MTUS1: variants seen among roughly 807,000 people sequenced by gnomAD.
MTUS1 encodes the protein microtubule-associated tumor suppressor 1.
In MTUS1, 109 loss-of-function variants were observed where a neutral mutation model predicts 120.8. The observed-to-expected ratio is 0.90, with a 90% CI of 0.77 to 1.06. The LOEUF is 1.06. MTUS1 is among the 50% of genes least tolerant of loss of function. MTUS1 has a pLI of 0.00. For missense variants in MTUS1, 2,210 were observed against 1,486.3 expected (o/e 1.49, Z -8.01); for synonymous variants, 737 against 550.5 (o/e 1.34, Z -4.74).
At chr8:17,796,206 C>A (rs1317596609) in intron 1 of MTUS1, among the ~76,000 whole-genome samples, 3 of 1,512 alleles carry the variant, frequency 2.0e-3, no homozygotes, top group Non-Finnish European at 4.9e-3. Context: ...TTGGCTTGGC[C>A]TCCCAAAGTG....
intron 1 of MTUS1, among the ~76,000 whole-genome samples, chr8:17,760,214 T>G (rs929081732): frequency 2.0e-5 from 3 of 151,888 alleles, no homozygotes; most frequent in African/African-American, 7.3e-5. Context: ...CCTATCACTA[T>G]TAAAAGAAAA....
intron 1 of MTUS1, among the ~76,000 whole-genome samples, chr8:17,759,265 T>C (rs925422539): frequency 6.6e-6 from 1 of 151,326 alleles, no homozygotes; most frequent in African/African-American, 2.4e-5. Context: ...TTGTCTTTTT[T>C]TATTTTTCTT....
At chr8:17,794,118 A>C (rs574400632) in intron 1 of MTUS1, among the ~76,000 whole-genome samples, 1 of 152,180 alleles carries the variant, frequency 6.6e-6, no homozygotes, top group Non-Finnish European at 1.5e-5. Context: ...ACCTGAGGTC[A>C]GGAGTTCGAG....
chr8:17,706,839 A>G (rs1250930945), intron 6 of MTUS1, among the ~76,000 whole-genome samples: 2 of 152,238 alleles, frequency 1.3e-5, no homozygotes, highest in Non-Finnish European at 2.9e-5. Flanking sequence ...CTATATGTTA[A>G]ATGACAAAGC....
intron 3 of MTUS1, among the ~76,000 whole-genome samples, chr8:17,728,412 A>G (rs185632158): frequency 5.3e-5 from 8 of 152,296 alleles, no homozygotes; most frequent in African/African-American, 1.9e-4. Flanking sequence ...GCCAAAACAG[A>G]TCATCTTAAT....
chr8:17,723,609 C>T, intron 4 of MTUS1, 63 bp downstream of exon 4: 1 of 1,497,324 alleles, frequency 6.7e-7, no homozygotes, highest in African/African-American at 1.4e-5. Flanking sequence ...ATTTGCAGAG[C>T]ATTAGTTTTT....
At position 17,644,539 on chromosome 8, in the gene MTUS1, AGG is replaced by A. The variant is rs1805432688; in HGVS notation, c.*1385_*1386del. Reference sequence around the variant, plus strand: ...GGAAAGAAACTGAAATGCAACCTGGAGGAGAGTTGGACAAGCCACATTTTCCA... The same window carrying A: ...GGAAAGAAACTGAAATGCAACCTGGAAGAGTTGGACAAGCCACATTTTCCA... On this transcript the variant is annotated 3_prime_UTR_variant, in exon 15 of 15. Coordinates refer to ENST00000693296, the MANE Select transcript of MTUS1 (RefSeq NM_001363059.2). The A allele has an allele frequency of 6.6e-6, 1 of 152,256 alleles. No homozygotes were observed. Among genetic ancestry groups the A allele is most frequent in the South Asian group, 2.1e-4 (1 of 4,832 alleles). 9.4% of individuals were successfully genotyped at this position (152,256 alleles called of 1,614,324 possible). A position where few individuals can be genotyped will look rare whatever the true frequency, so the allele number is the denominator to read the frequency against.
intron 6 of MTUS1, among the ~76,000 whole-genome samples, chr8:17,703,744 G>C (rs189819037): frequency 6.6e-6 from 1 of 151,946 alleles, no homozygotes; most frequent in Non-Finnish European, 1.5e-5. Flanking sequence ...AGGTCAGACC[G>C]GTTCTCTGCT....
At chr8:17,801,307 G>C (rs1039691533), upstream of MTUS1, 1 of 151,876 alleles carries the variant, frequency 6.6e-6, no homozygotes, top group Non-Finnish European at 1.5e-5. Flanking sequence ...GGGAGTTCGG[G>C]AAACTTGTAA....
intron 1 of MTUS1, among the ~76,000 whole-genome samples, chr8:17,769,307 CAA>C (rs2049827386): frequency 6.8e-6 from 1 of 145,998 alleles, no homozygotes; most frequent in Non-Finnish European, 1.5e-5. Context: ...TACACATTCA[CAA>C]ACTCTTAAAA....
chr8:17,646,855 A>T, intron 14 of MTUS1, 127 bp downstream of exon 14: 1 of 672,960 alleles, frequency 1.5e-6, no homozygotes, highest in Non-Finnish European at 2.6e-6. Context: ...CAGAGAAATC[A>T]ATGCCCTTTT....
rs1182987767 is a variant in MTUS1, at chr8:17,755,594, A to G, written c.214T>C (p.Leu72=). ...AATACTTCAACACCCTGAAGGCTTAAAGAAATATTTTCACCAGTAACTACA... is the reference window on the plus strand; with the variant it reads ...AATACTTCAACACCCTGAAGGCTTAGAGAAATATTTTCACCAGTAACTACA... ...PAVVTGENIS[L]SLQGVEVFGH... Residue 72 remains leucine, a synonymous_variant, in exon 2 of 15, where the codon TTA becomes CTA. Coordinates refer to ENST00000693296, the MANE Select transcript of MTUS1 (RefSeq NM_001363059.2). 1 of 1,614,164 alleles carries G rather than the reference A, an allele frequency of 6.2e-7. No homozygotes were observed. Among genetic ancestry groups the G allele is most frequent in the South Asian group, 1.1e-5 (1 of 91,084 alleles).
upstream of MTUS1, chr8:17,801,388 T>TTC (rs2052666641): frequency 6.6e-6 from 1 of 151,596 alleles, no homozygotes; most frequent in African/African-American, 2.4e-5. Context: ...AGCGGCTCGC[T>TTC]GCGGGAGACC....
At chr8:17,760,282 A>T (rs895062369) in intron 1 of MTUS1, among the ~76,000 whole-genome samples, 1 of 151,916 alleles carries the variant, frequency 6.6e-6, no homozygotes, top group African/African-American at 2.4e-5. Flanking sequence ...AAACCCACAA[A>T]CATGTGTTCA....
chr8:17,748,393 C>T, intron 2 of MTUS1, among the ~76,000 whole-genome samples: 1 of 152,154 alleles, frequency 6.6e-6, no homozygotes, highest in East Asian at 1.9e-4. Flanking sequence ...CCATGTGACC[C>T]AATTCTTCTT....
intron 14 of MTUS1, 53 bp downstream of exon 14, chr8:17,646,928 TG>T: frequency 2.3e-6 from 3 of 1,329,678 alleles, no homozygotes; most frequent in Non-Finnish European, 3.3e-6. Flanking sequence ...GAAAGTACAC[TG>T]GATGTCCAAG....
chr8:17,647,079 C>T lies in MTUS1; in HGVS notation c.3502G>A (p.Val1168Met), dbSNP rs955047731. ...DIKLMKMEKL[V>M]DNNTALVDKL... ...TCAACCAATGCTGTGTTGTTGTCCA[C>T]CTTGGCATAAACAAGAATTCCAACA... Residue 1168 changes from valine to methionine, a missense_variant and splice_region_variant, in exon 14 of 15, where the codon GTG (valine) becomes ATG (methionine). Coordinates refer to ENST00000693296, the MANE Select transcript of MTUS1 (RefSeq NM_001363059.2). 6.2e-6 allele frequency: 10 copies of T among 1,611,858 alleles called. No homozygotes were observed.
intron 6 of MTUS1, among the ~76,000 whole-genome samples, chr8:17,701,762 G>A (rs1216004167): frequency 1.3e-5 from 2 of 152,212 alleles, no homozygotes; most frequent in African/African-American, 4.8e-5. Context: ...TGTTAGCCAG[G>A]ATGGTCTCAA....
intron 9 of MTUS1, 28 bp downstream of exon 9, chr8:17,655,835 G>A (rs1207297442): frequency 2.5e-6 from 4 of 1,608,430 alleles, no homozygotes; most frequent in East Asian, 4.5e-5. Context: ...AGAGGCCTCA[G>A]ACAAGCTCTG....
Sources: allele counts gnomAD v4.1 joint callset (sites outside exome capture counted in the v4.1 genomes callset), GRCh38; gene constraint gnomAD v4.1.1; transcripts MANE v1.5; gene names NCBI Gene and HGNC (gene_info 2026-07-23, HGNC 2026-07-21).